Variants in TRAPPC11 observed in about 807,000 individuals in gnomAD.
The protein encoded by TRAPPC11 is foie gras homolog.
TRAPPC11 carries 104 observed loss-of-function variants against 151.2 expected under a neutral mutation model. The ratio of observed to expected loss-of-function variants is 0.69; its 90% confidence interval spans 0.59 to 0.81. The LOEUF (loss-of-function observed/expected upper bound fraction) is 0.81. Ranked by LOEUF, TRAPPC11 falls within the 30% of genes least tolerant of loss-of-function variation. The pLI, the probability that TRAPPC11 is intolerant of heterozygous loss-of-function variation, is 0.00. For missense variants in TRAPPC11, 1,230 were observed against 1,349.6 expected (o/e 0.91, Z 1.39); for synonymous variants, 456 against 472.3 (o/e 0.97, Z 0.45).
chr4:183,691,798 A>G (rs561940065), intron 19 of TRAPPC11, among the ~76,000 whole-genome samples: 1 of 152,252 alleles, frequency 6.6e-6, no homozygotes, highest in African/African-American at 2.4e-5. Flanking sequence ...CCACATAATC[A>G]GTTAAGGAGT....
At chr4:183,660,450 A>T (rs748701595) in intron 1 of TRAPPC11, among the ~76,000 whole-genome samples, 1 of 152,226 alleles carries the variant, frequency 6.6e-6, no homozygotes, top group Non-Finnish European at 1.5e-5. Flanking sequence ...AATATTTTGG[A>T]CATACTGTAC....
rs1734696326 is a variant in TRAPPC11, at chr4:183,663,873, C to A, written c.6C>A (p.Ser2Arg). 6.2e-7 allele frequency: 1 copy of A among 1,612,756 alleles called. No individual in the cohort carries two copies. The highest frequency in any genetic ancestry group is 1.7e-5 in the Admixed American group (1 of 59,932). ...TTTTTTGTGACATCGTAAACATGAG[C>A]CCCACACAGTGGGACTTCCCTGTGG... M[S>R]PTQWDFPVEL... Residue 2 changes from serine to arginine, a missense_variant, in exon 2 of 30, where the codon AGC becomes AGA. Physicochemically the swap from Ser to Arg is moderately radical, Grantham distance 110 (BLOSUM62 -1). Coordinates refer to ENST00000334690, the MANE Select transcript of TRAPPC11 (RefSeq NM_021942.6).
In TRAPPC11 at chr4:183,685,143, A is replaced by G. The variant is rs1267351907; in HGVS notation, c.1627A>G (p.Met543Val). The G allele has an allele frequency of 1.2e-6, 2 of 1,613,800 alleles. No individual in the cohort carries two copies. The highest frequency in any genetic ancestry group is 1.7e-6 in the Non-Finnish European group (2 of 1,179,854). ...RIEKNLINVLMNESPDPEPDC... is the reference protein window; with the variant it reads ...RIEKNLINVLVNESPDPEPDC... ...AGAAAAGAACCTCATAAATGTTTTA[A>G]TGGTAGGTTGGAATTGTTTATATAG... is the stretch of plus-strand genomic sequence containing the variant. Residue 543 changes from methionine to valine, a missense_variant and splice_region_variant, in exon 16 of 30, where the codon ATG becomes GTG. Coordinates refer to ENST00000334690, the MANE Select transcript of TRAPPC11 (RefSeq NM_021942.6).
At chr4:183,667,378 G>C (rs778812712) in intron 4 of TRAPPC11, among the ~76,000 whole-genome samples, 14 of 152,276 alleles carry the variant, frequency 9.2e-5, no homozygotes, top group Non-Finnish European at 1.9e-4. Flanking sequence ...AGGGGATATA[G>C]GAAGGCATGT....
chr4:183,675,784 T>C (rs1735380083), intron 7 of TRAPPC11: 1 of 152,328 alleles, frequency 6.6e-6, no homozygotes, highest in Middle Eastern at 3.4e-3. Context: ...AATTAAATTT[T>C]AATGTTATCA....
chr4:183,680,724 G>T (rs1036579471), intron 10 of TRAPPC11, among the ~76,000 whole-genome samples: 1 of 108,240 alleles, frequency 9.2e-6, no homozygotes, highest in Non-Finnish European at 1.7e-5. Context: ...GTCTCTTGTT[G>T]CCCAGGCTAG....
chr4:183,680,849 C>T (rs1033896283), intron 10 of TRAPPC11, among the ~76,000 whole-genome samples: 11 of 151,966 alleles, frequency 7.2e-5, no homozygotes, highest in East Asian at 3.9e-4. Flanking sequence ...CCCGCCACCA[C>T]GCCTGGCTAA....
intron 1 of TRAPPC11, among the ~76,000 whole-genome samples, chr4:183,659,744 A>C (rs1647247312): frequency 6.6e-6 from 1 of 152,172 alleles, no homozygotes; most frequent in Non-Finnish European, 1.5e-5. Context: ...TGTTTCTCCT[A>C]CGTTGGATTG....
chr4:183,697,930 T>C, intron 25 of TRAPPC11, 95 bp downstream of exon 25: 1 of 1,256,228 alleles, frequency 8.0e-7, no homozygotes, highest in Non-Finnish European at 1.1e-6. Flanking sequence ...TAATTAGCTT[T>C]TTGCTAAGTG....
chr4:183,685,286 C>G lies in TRAPPC11; in HGVS notation c.1645C>G (p.Pro549Ala). 6.2e-7 allele frequency: 1 copy of G among 1,613,780 alleles called. No homozygotes were observed. Among genetic ancestry groups the G allele is most frequent in the South Asian group, 1.1e-5 (1 of 91,080 alleles). ...INVLMNESPD[P>A]EPDCDILAVK... The stretch of plus-strand genomic sequence containing the variant: ...GTTGATGCAGAATGAAAGTCCTGAT[C>G]CAGAACCCGACTGTGATATCTTAGC... The change falls in exon 17 of 30, where the codon CCA becomes GCA. Residue 549 changes from proline to alanine, a missense_variant. By Grantham distance (27) the Pro-to-Ala change is conservative (BLOSUM62 -1). Transcript: ENST00000334690.
chr4:183,685,516 C>A, intron 17 of TRAPPC11, 113 bp downstream of exon 17: 1 of 1,267,216 alleles, frequency 7.9e-7, no homozygotes, highest in South Asian at 1.6e-5. Flanking sequence ...AAAGTATAAT[C>A]ATGTTATAGA....
chr4:183,693,887 G>C, intron 21 of TRAPPC11, 30 bp from the exon 22 acceptor site: 1 of 1,607,612 alleles, frequency 6.2e-7, no homozygotes, highest in Non-Finnish European at 8.5e-7. Context: ...TGAATTCTTT[G>C]TTTTGAAGAA....
At position 183,680,104 on chromosome 4, in the gene TRAPPC11, T is replaced by C; in HGVS notation, c.966-16T>C. 6.3e-7 allele frequency: 1 copy of C among 1,595,782 alleles called. No homozygotes were observed. Among genetic ancestry groups the C allele is most frequent in the South Asian group, 1.2e-5 (1 of 86,872 alleles). ...CTTTTCATTCCTCTTTATTTCTTGA[T>C]TTTCTTTTCTTTAAGATTCCAGGCC... On this transcript the variant is annotated splice_polypyrimidine_tract_variant and intron_variant, in intron 9 of 29. Transcript: ENST00000334690.
chr4:183,690,678 G>A lies in TRAPPC11; in HGVS notation c.1894-638G>A, dbSNP rs558724375. 1.4e-4 allele frequency among the ~76,000 whole-genome samples: 22 copies of A among 152,218 alleles called. No individual in the cohort carries two copies. In the East Asian group the frequency reaches 4.3e-3, roughly 29 times the overall value. ...AAATGAAGACCTGAAAGAAAGCAAA[G>A]GAATGGGGCTGGGCTTGGTGGCTCA... On this transcript the variant is annotated intron_variant, in intron 18 of 29. Coordinates refer to ENST00000334690, the MANE Select transcript of TRAPPC11 (RefSeq NM_021942.6).
chr4:183,696,380 GTTTT>G (rs1248541917), intron 23 of TRAPPC11, among the ~76,000 whole-genome samples: 1 of 151,824 alleles, frequency 6.6e-6, no homozygotes, highest in Non-Finnish European at 1.5e-5. Context: ...TAACCCCATG[GTTTT>G]TTTTCTTCTT....
At chr4:183,663,764 G>GGT in intron 1 of TRAPPC11, 83 bp from the exon 2 acceptor site, 1 of 266,920 alleles carries the variant, frequency 3.7e-6, no homozygotes, top group Non-Finnish European at 7.2e-6. Context: ...TTGAGACAGA[G>GGT]TTTTGCTCTT....
chr4:183,664,655 G>C (rs1021027179), intron 2 of TRAPPC11, among the ~76,000 whole-genome samples: 3 of 152,126 alleles, frequency 2.0e-5, no homozygotes, highest in Non-Finnish European at 4.4e-5. Context: ...TTATTATCAT[G>C]ATGATAGTAT....
chr4:183,691,178 T>TA (rs1736239272), intron 18 of TRAPPC11, 138 bp from the exon 19 acceptor site: 1 of 585,372 alleles, frequency 1.7e-6, no homozygotes, highest in Non-Finnish European at 2.7e-6. Flanking sequence ...CTATTTGGCA[T>TA]AAAAAATACT....
intron 2 of TRAPPC11, among the ~76,000 whole-genome samples, chr4:183,665,355 A>G (rs1188350425): frequency 1.3e-5 from 2 of 152,080 alleles, no homozygotes; most frequent in East Asian, 3.9e-4. Flanking sequence ...TGGCCTCCCA[A>G]AGTGCTGGGA....
Sources: gnomAD v4.1 joint callset for allele counts (sites outside exome capture counted in the v4.1 genomes callset) on GRCh38, gnomAD v4.1.1 for gene constraint, MANE v1.5 for transcripts, NCBI Gene and HGNC (gene_info 2026-07-23, HGNC 2026-07-21) for gene names.